Variants in PYM1 observed in about 807,000 individuals in gnomAD.
The protein encoded by PYM1 is PYM1 exon junction complex associated factor, also known as partner of Y14 and mago.
PYM1 carries 7 observed loss-of-function variants against 20.7 expected under a neutral mutation model. That is an observed-to-expected ratio of 0.34 (90% CI 0.19 to 0.64). PYM1 has a LOEUF of 0.64. PYM1 is among the 30% of genes least tolerant of loss of function. The probability of loss-of-function intolerance (pLI) is 0.74; values close to 1 mark genes in which losing one functional copy is unlikely to be tolerated. For missense variants in PYM1, 194 were observed against 250.0 expected (o/e 0.78, Z 1.51); for synonymous variants, 100 against 99.2 (o/e 1.01, Z -0.05).
chr12:55,911,396 G>C (rs1368009545), intron 1 of PYM1, among the ~76,000 whole-genome samples: 1 of 152,124 alleles, frequency 6.6e-6, no homozygotes, highest in Non-Finnish European at 1.5e-5. Flanking sequence ...ATAGGTGTGA[G>C]TGACTGAGCC....
intron 1 of PYM1, among the ~76,000 whole-genome samples, chr12:55,910,483 C>T (rs541826579): frequency 6.6e-6 from 1 of 152,038 alleles, no homozygotes; most frequent in South Asian, 2.1e-4. Context: ...AACCCTGTTG[C>T]CCAGGCTGGA....
intron 1 of PYM1, among the ~76,000 whole-genome samples, chr12:55,909,716 A>T (rs1456057598): frequency 1.3e-5 from 2 of 152,348 alleles, no homozygotes; most frequent in East Asian, 1.9e-4. Context: ...ATACATTATC[A>T]AAGAATCAAC....
At chr12:55,906,851 T>C (rs1229049701) in intron 1 of PYM1, among the ~76,000 whole-genome samples, 2 of 151,952 alleles carry the variant, frequency 1.3e-5, no homozygotes, top group Admixed American at 1.3e-4. Flanking sequence ...TTTCTCTGTA[T>C]TGGTCAGGCT....
intron 1 of PYM1, among the ~76,000 whole-genome samples, chr12:55,915,862 G>A (rs1882996929): frequency 6.6e-6 from 1 of 152,076 alleles, no homozygotes; most frequent in South Asian, 2.1e-4. Flanking sequence ...GGGATAAGAG[G>A]AACAACAAAA....
intron 1 of PYM1, among the ~76,000 whole-genome samples, chr12:55,925,683 G>A (rs896064263): frequency 1.3e-5 from 2 of 152,108 alleles, no homozygotes; most frequent in African/African-American, 4.8e-5. Context: ...TCAATGATCT[G>A]GACATAGTAA....
chr12:55,919,326 G>C (rs887372694), intron 1 of PYM1, among the ~76,000 whole-genome samples: 3 of 151,864 alleles, frequency 2.0e-5, no homozygotes, highest in Admixed American at 2.0e-4. Flanking sequence ...TTAATTTTTT[G>C]TATTTTTAGT....
At chr12:55,914,926 T>C (rs563105687) in intron 1 of PYM1, among the ~76,000 whole-genome samples, 82 of 152,040 alleles carry the variant, frequency 5.4e-4, no homozygotes, top group Non-Finnish European at 1.1e-3. Flanking sequence ...TAAAGGTAGG[T>C]AGGTGATGGC....
At chr12:55,906,260 C>G (rs963207623) in intron 1 of PYM1, among the ~76,000 whole-genome samples, 10 of 151,572 alleles carry the variant, frequency 6.6e-5, no homozygotes, top group Admixed American at 2.0e-4. Flanking sequence ...TTCATGCTTA[C>G]TTCCCATGAG....
chr12:55,905,706 T>TTA (rs1555180477), intron 1 of PYM1, among the ~76,000 whole-genome samples: 5 of 47,150 alleles, frequency 1.1e-4, no homozygotes, highest in Non-Finnish European at 2.1e-4. Context: ...CCAACCCAAT[T>TTA]AAAAAATATA....
chr12:55,904,106 T>C (rs1481635570), intron 1 of PYM1, among the ~76,000 whole-genome samples: 1 of 151,952 alleles, frequency 6.6e-6, no homozygotes, highest in African/African-American at 2.4e-5. Context: ...TAGCTAGGAT[T>C]ACAGGCCCCT....
chr12:55,921,168 T>C (rs776981758), intron 1 of PYM1, among the ~76,000 whole-genome samples: 6 of 152,346 alleles, frequency 3.9e-5, no homozygotes, highest in African/African-American at 7.2e-5. Flanking sequence ...CCAAGTACTA[T>C]GCCTGGTACT....
chr12:55,927,722 C>T lies in PYM1; in HGVS notation c.37+3G>A. The T allele has an allele frequency of 1.3e-6, 2 of 1,539,866 alleles. No homozygotes were observed. The highest frequency in any genetic ancestry group is 2.4e-5 in the East Asian group (1 of 40,920). On this transcript the variant is annotated splice_donor_region_variant and intron_variant, in intron 1 of 2. Transcript: ENST00000408946. ...AAGGCGGAGGGCGCCGCGGGTCGGTCACCTGTCTCCGTAGCCGCAGGGCTG... is the reference window on the plus strand; with the variant it reads ...AAGGCGGAGGGCGCCGCGGGTCGGTTACCTGTCTCCGTAGCCGCAGGGCTG...
At chr12:55,908,169 G>A (rs1882857996) in intron 1 of PYM1, among the ~76,000 whole-genome samples, 1 of 151,982 alleles carries the variant, frequency 6.6e-6, no homozygotes, top group South Asian at 2.1e-4. Context: ...CTTGAACCCG[G>A]GAGGTGGAGG....
intron 1 of PYM1, among the ~76,000 whole-genome samples, chr12:55,907,563 G>A (rs924172065): frequency 2.3e-4 from 34 of 151,070 alleles, no homozygotes; most frequent in African/African-American, 7.3e-4. Context: ...GAAACAGGGG[G>A]TTGGAGGTTG....
chr12:55,902,237 A>T lies in PYM1; in HGVS notation c.250T>A (p.Ser84Thr), dbSNP rs564855801. ...TTCAGGTTACGTTTGGCTGTCTTGGAGAGGCCTGGTTCACCACCTTCAGGC... is the reference window on the plus strand; with the variant it reads ...TTCAGGTTACGTTTGGCTGTCTTGGTGAGGCCTGGTTCACCACCTTCAGGC... The part of the protein sequence containing the change: ...SRPEGGEPGL[S>T]KTAKRNLKRK... Residue 84 changes from serine to threonine, a missense_variant, in exon 3 of 3, where the codon TCC becomes ACC. Transcript: ENST00000408946. The T allele has an allele frequency of 1.2e-5, 19 of 1,614,034 alleles. No homozygotes were observed. The East Asian group carries it at 4.0e-4, about 34-fold the overall frequency.
chr12:55,907,742 C>T (rs1187417690), intron 1 of PYM1, among the ~76,000 whole-genome samples: 3 of 151,792 alleles, frequency 2.0e-5, no homozygotes, highest in African/African-American at 4.8e-5. Flanking sequence ...AGTTCGAGAC[C>T]AGCCTGGCCA....
chr12:55,923,409 T>C (rs1010656209), intron 1 of PYM1, among the ~76,000 whole-genome samples: 21 of 151,304 alleles, frequency 1.4e-4, no homozygotes, highest in Admixed American at 9.9e-4. Context: ...CTACAAAAAA[T>C]ACAAAAATTA....
intron 1 of PYM1, among the ~76,000 whole-genome samples, chr12:55,926,018 A>G (rs1883180856): frequency 1.3e-5 from 2 of 152,216 alleles, no homozygotes; most frequent in South Asian, 2.1e-4. Flanking sequence ...CTGAGGTGTA[A>G]GGAACATGGA....
chr12:55,926,020 G>C (rs1246105831), intron 1 of PYM1, among the ~76,000 whole-genome samples: 1 of 152,172 alleles, frequency 6.6e-6, no homozygotes, highest in African/African-American at 2.4e-5. Context: ...GAGGTGTAAG[G>C]AACATGGAAA....
Sources: allele counts gnomAD v4.1 joint callset (sites outside exome capture counted in the v4.1 genomes callset), GRCh38; gene constraint gnomAD v4.1.1; transcripts MANE v1.5; gene names NCBI Gene and HGNC (gene_info 2026-07-23, HGNC 2026-07-21).